The following RAB10 variants were observed in gnomAD, a reference collection of about 807,000 sequenced individuals.
The protein encoded by RAB10 is RAB10, member RAS oncogene family.
RAB10 carries 5 observed loss-of-function variants against 25.7 expected under a neutral mutation model. The ratio of observed to expected loss-of-function variants is 0.19; its 90% confidence interval spans 0.10 to 0.41. The LOEUF (loss-of-function observed/expected upper bound fraction) is 0.41, where lower values mean the gene tolerates loss of function less well. Ranked by LOEUF, RAB10 falls within the 10% of genes least tolerant of loss-of-function variation. The pLI, the probability that RAB10 is intolerant of heterozygous loss-of-function variation, is 1.00. For synonymous variants in RAB10, 89 were observed against 86.4 expected, an observed-to-expected ratio of 1.03 and a Z score of -0.16; for missense variants, 103 against 245.8, an observed-to-expected ratio of 0.42 and a Z score of 3.89.
chr2:26,067,001 C>T (rs755768544), intron 1 of RAB10, among the ~76,000 whole-genome samples: 2 of 152,020 alleles, frequency 1.3e-5, no homozygotes, highest in Non-Finnish European at 1.5e-5. Context: ...AGGCTGGTCT[C>T]GAACTCCTGA....
chr2:26,112,218 T>C (rs987009989), intron 3 of RAB10, among the ~76,000 whole-genome samples: 4 of 152,162 alleles, frequency 2.6e-5, no homozygotes, highest in African/African-American at 9.7e-5. Context: ...TTCCATCACT[T>C]AGGCATAATT....
intron 1 of RAB10, among the ~76,000 whole-genome samples, chr2:26,040,561 G>A (rs1351124446): frequency 6.6e-6 from 1 of 152,102 alleles, no homozygotes. Context: ...GGGAGGCTGA[G>A]GTGGGAGGAT....
intron 1 of RAB10, among the ~76,000 whole-genome samples, chr2:26,096,805 C>A (rs943833213): frequency 1.3e-5 from 2 of 152,168 alleles, no homozygotes; most frequent in African/African-American, 2.4e-5. Context: ...CATTTTAATT[C>A]ATTTCAGAAA....
chr2:26,094,260 T>C (rs1340479226), intron 1 of RAB10, among the ~76,000 whole-genome samples: 2 of 151,836 alleles, frequency 1.3e-5, no homozygotes, highest in East Asian at 3.9e-4. Flanking sequence ...CACTTCATTT[T>C]ATGTTTTTGA....
chr2:26,071,707 G>A (rs960688336), intron 1 of RAB10, among the ~76,000 whole-genome samples: 6 of 148,286 alleles, frequency 4.0e-5, no homozygotes, highest in African/African-American at 1.2e-4. Flanking sequence ...AAAAAAGGAA[G>A]TTTGGAATTT....
intron 1 of RAB10, among the ~76,000 whole-genome samples, chr2:26,091,859 C>T (rs1353958868): frequency 6.6e-6 from 1 of 152,044 alleles, no homozygotes; most frequent in Non-Finnish European, 1.5e-5. Context: ...GTGAAGAATT[C>T]CTTCATCTAC....
chr2:26,057,283 G>A (rs1460061194), intron 1 of RAB10, among the ~76,000 whole-genome samples: 1 of 152,120 alleles, frequency 6.6e-6, no homozygotes. Context: ...AGCTAAGGAA[G>A]CTGGGCATGG....
At chr2:26,058,661 G>A (rs1666321748) in intron 1 of RAB10, among the ~76,000 whole-genome samples, 1 of 152,114 alleles carries the variant, frequency 6.6e-6, no homozygotes, top group South Asian at 2.1e-4. Context: ...TTTTGAACTT[G>A]CCAAGCACAC....
At chr2:26,112,180 C>T (rs1574557444) in intron 3 of RAB10, among the ~76,000 whole-genome samples, 1 of 152,184 alleles carries the variant, frequency 6.6e-6, no homozygotes, top group African/African-American at 2.4e-5. Flanking sequence ...ATTCCTTACC[C>T]TCAGTTTTTC....
rs73920226 is a variant in RAB10 at position 26,034,515 on chromosome 2, C to G, written c.-94C>G. 5 of 1,546,920 alleles carry G rather than the reference C, an allele frequency of 3.2e-6. No homozygotes were observed. Among genetic ancestry groups the G allele is most frequent in the Admixed American group, 1.9e-5 (1 of 52,554 alleles). ...CTTTTTCCCACGCTTCCCCGGTCCT[C>G]CGGCCTGAGAACGCCCGAGTGAGGA... On this transcript the variant is annotated 5_prime_UTR_variant, in exon 1 of 6. Transcript: ENST00000264710.
At chr2:26,108,613 T>C (rs999766203) in intron 2 of RAB10, among the ~76,000 whole-genome samples, 1 of 48,032 alleles carries the variant, frequency 2.1e-5, no homozygotes, top group Non-Finnish European at 3.6e-5. Context: ...AATAAGTGCA[T>C]GTAAAAAAAA....
chr2:26,096,430 C>CTGGATGGA (rs10522075), intron 1 of RAB10, among the ~76,000 whole-genome samples: 1 of 150,344 alleles, frequency 6.7e-6, no homozygotes, highest in African/African-American at 2.5e-5. Context: ...GGCTGGCTGG[C>CTGGATGGA]TGGATGGATG....
chr2:26,040,098 C>T (rs1574522951), intron 1 of RAB10, among the ~76,000 whole-genome samples: 2 of 152,116 alleles, frequency 1.3e-5, no homozygotes, highest in African/African-American at 4.8e-5. Context: ...ACTAGAAATA[C>T]TTTGAATGTA....
intron 1 of RAB10, among the ~76,000 whole-genome samples, chr2:26,065,500 T>G (rs376226015): frequency 0.14 from 1,564 of 11,248 alleles, 9 homozygotes; most frequent in Non-Finnish European, 0.22. Flanking sequence ...ACCTGAAGGT[T>G]TTTTTTTTGT....
chr2:26,100,044 A>G (rs1667312145), intron 2 of RAB10, among the ~76,000 whole-genome samples: 1 of 152,146 alleles, frequency 6.6e-6, no homozygotes, highest in South Asian at 2.1e-4. Flanking sequence ...AGTTTATTTC[A>G]AATCAGGGAA....
intron 1 of RAB10, among the ~76,000 whole-genome samples, chr2:26,064,425 A>C (rs1666471451): frequency 6.6e-6 from 1 of 151,922 alleles, no homozygotes; most frequent in South Asian, 2.1e-4. Context: ...GGGCTCAAGC[A>C]ATCCTCCCAC....
In RAB10 at chr2:26,034,295, C is replaced by G. The variant is rs929654923; in HGVS notation, c.-314C>G. On this transcript the variant is annotated 5_prime_UTR_variant, in exon 1 of 6. Transcript: ENST00000264710. ...TCCTCGACGGCAGAGCAGGCTTGCT[C>G]GCCCGTGGGAGCGTCCCGGCCGAGA... 1 of 539,448 alleles carries G rather than the reference C, an allele frequency of 1.9e-6. No homozygotes were observed. The allele number at this position is 539,448 out of a possible 1,614,324, so 33.4% of individuals were successfully genotyped here.
intron 1 of RAB10, among the ~76,000 whole-genome samples, chr2:26,096,992 C>T (rs1667233630): frequency 1.3e-5 from 2 of 152,098 alleles, no homozygotes; most frequent in African/African-American, 2.4e-5. Flanking sequence ...GAGGCCAAGG[C>T]CGGTGGGTCA....
At position 26,127,959 on chromosome 2, in the gene RAB10, C is replaced by T. The variant is rs779869413; in HGVS notation, c.519+8C>T. The T allele has an allele frequency of 4.5e-6, 7 of 1,566,168 alleles. No individual in the cohort carries two copies. The Admixed American group carries it at 1.2e-4, about 26-fold the overall frequency. On this transcript the variant is annotated splice_region_variant and intron_variant, in intron 5 of 5. Transcript: ENST00000264710. ...GAAGATATCCTTCGAAAGGTAAGTT[C>T]CTGTTTTTATATCCTGCCAGGTACC...
Sources: allele counts gnomAD v4.1 joint callset (sites outside exome capture counted in the v4.1 genomes callset), GRCh38; gene constraint gnomAD v4.1.1; transcripts MANE v1.5; gene names NCBI Gene and HGNC (gene_info 2026-07-23, HGNC 2026-07-21).